Variants in SRA1 observed in about 807,000 individuals in gnomAD.
SRA1 encodes lncRNA SRA.
Under a neutral mutation model 24.3 loss-of-function variants are expected in SRA1, and 25 were observed. The ratio of observed to expected loss-of-function variants is 1.03; its 90% CI spans 0.75 to 1.43. SRA1 has a LOEUF of 1.43. Among genes scored for constraint, SRA1 ranks in the 40% most tolerant of loss-of-function variants. The probability of loss-of-function intolerance (pLI) is 0.00; values close to 1 mark genes in which losing one functional copy is unlikely to be tolerated. For missense variants in SRA1, 303 were observed against 286.6 expected (o/e 1.06, Z -0.41); for synonymous variants, 104 against 109.5 (o/e 0.95, Z 0.31).
rs561878374 is a variant in SRA1 at position 140,550,713 on chromosome 5, T to C, written c.662A>G (p.Gln221Arg). ...AEKNHTIPGF[Q>R]QAS ...GGGAACCGAGGATTATGAAGCCTGC[T>C]GGAAGCCTGGTATGGTATGGTTCTT... The change falls in exon 5 of 5, where the codon CAG becomes CGG. Residue 221 changes from glutamine to arginine, a missense_variant. Physicochemically the swap from Gln to Arg is conservative, Grantham distance 43. Coordinates refer to ENST00000336283, the MANE Select transcript of SRA1 (RefSeq NM_001035235.4). 1.2e-6 allele frequency: 2 copies of C among 1,614,024 alleles called. No individual in the cohort carries two copies. Among genetic ancestry groups the C allele is most frequent in the Non-Finnish European group, 1.7e-6 (2 of 1,180,022 alleles).
upstream of SRA1, chr5:140,557,480 G>C (rs1440924295): frequency 1.2e-5 from 18 of 1,549,568 alleles, no homozygotes; most frequent in Non-Finnish European, 1.5e-5. Flanking sequence ...CAGCGGGGCA[G>C]CGCGTCATTT....
chr5:140,551,041 A>G lies in SRA1; in HGVS notation c.463+20T>C, dbSNP rs373540673. ...ACAGCAGGAAAGGGATTTAGGCTAT[A>G]CCAAAGAACCCACCCATACCTTGCA... On this transcript the variant is annotated intron_variant, in intron 4 of 4. Transcript: ENST00000336283. 2.7e-5 allele frequency: 44 copies of G among 1,603,740 alleles called. No individual in the cohort carries two copies. The highest frequency in any genetic ancestry group is 3.2e-5 in the Non-Finnish European group (38 of 1,170,656).
Position 140,551,638 on chromosome 5 carries a change from T to C in SRA1, c.354+344A>G, listed in dbSNP as rs532261648. 3 of 232,482 alleles carry C rather than the reference T, an allele frequency of 1.3e-5. No individual in the cohort carries two copies. In the South Asian group the frequency reaches 3.1e-4, roughly 24 times the overall value. 14.4% of individuals were successfully genotyped at this position (232,482 alleles called of 1,614,324 possible). A position where few individuals can be genotyped will look rare whatever the true frequency, so the allele number is the denominator to read the frequency against. On this transcript the variant is annotated intron_variant, in intron 3 of 4. Coordinates refer to ENST00000336283, the MANE Select transcript of SRA1 (RefSeq NM_001035235.4). ...AAACACTATAGCTAGAAGAGGTTTCTTTCTCCCTAACTGGGCACAATATAA... is the reference window on the plus strand; with the variant it reads ...AAACACTATAGCTAGAAGAGGTTTCCTTCTCCCTAACTGGGCACAATATAA...
At chr5:140,556,234 G>T (rs1754690805) in intron 2 of SRA1, among the ~76,000 whole-genome samples, 1 of 152,082 alleles carries the variant, frequency 6.6e-6, no homozygotes, top group Admixed American at 6.6e-5. Flanking sequence ...AGCAAAAAGG[G>T]TGTGGAGAAT....
At chr5:140,554,647 G>C (rs963916179) in intron 2 of SRA1, among the ~76,000 whole-genome samples, 1 of 152,140 alleles carries the variant, frequency 6.6e-6, no homozygotes, top group African/African-American at 2.4e-5. Flanking sequence ...TCCCGTTAGT[G>C]TACAAACATG....
chr5:140,553,239 G>GTC (rs1754610100), intron 2 of SRA1, among the ~76,000 whole-genome samples: 1 of 152,034 alleles, frequency 6.6e-6, no homozygotes. Flanking sequence ...ACACTGGGAG[G>GTC]CAGAGGCAGG....
intron 3 of SRA1, 59 bp from the exon 4 acceptor site, chr5:140,551,228 G>A (rs960946910): frequency 2.2e-6 from 3 of 1,363,972 alleles, no homozygotes; most frequent in Non-Finnish European, 3.1e-6. Flanking sequence ...GGGAGGAGAG[G>A]GGAAGACAGC....
intron 2 of SRA1, among the ~76,000 whole-genome samples, chr5:140,553,978 C>T (rs564198774): frequency 6.6e-6 from 1 of 152,280 alleles, no homozygotes; most frequent in East Asian, 1.9e-4. Context: ...GTACCAACAT[C>T]CACAAGGATG....
chr5:140,551,287 GTTC>G (rs1473746244), intron 3 of SRA1, 118 bp from the exon 4 acceptor site: 2 of 714,832 alleles, frequency 2.8e-6, no homozygotes, highest in Non-Finnish European at 4.6e-6. Context: ...TAGAATTCTG[GTTC>G]TTTACCCAAA....
Position 140,552,664 on chromosome 5 carries a change from A to G in SRA1, c.152-480T>C, listed in dbSNP as rs539348799. Among the ~76,000 whole-genome samples the G allele has an allele frequency of 7.9e-5, 12 of 152,104 alleles. No homozygotes were observed. The South Asian group carries it at 8.3e-4, about 11-fold the overall frequency. ...GTGAAACTCTGTCTCAAAAAAAAAAAAAAAGAAAAGAAAAGTAAACCAGGC... is the reference window on the plus strand; with the variant it reads ...GTGAAACTCTGTCTCAAAAAAAAAAGAAAAGAAAAGAAAAGTAAACCAGGC... On this transcript the variant is annotated intron_variant, in intron 2 of 4. Coordinates refer to ENST00000336283, the MANE Select transcript of SRA1 (RefSeq NM_001035235.4).
chr5:140,550,645 CAGA>C lies in SRA1; in HGVS notation c.*52_*54del. On this transcript the variant is annotated 3_prime_UTR_variant, in exon 5 of 5. Transcript: ENST00000336283. The stretch of plus-strand genomic sequence containing the variant: ...TGGTGGTAAGAAGGGAGCCAAGTGA[CAGA>C]AGGTCTCCAAGGCATAGGAGATGGT... 6.4e-7 allele frequency: 1 copy of C among 1,559,396 alleles called. No homozygotes were observed. Among genetic ancestry groups the C allele is most frequent in the East Asian group, 2.2e-5 (1 of 44,586 alleles).
intron 2 of SRA1, among the ~76,000 whole-genome samples, chr5:140,552,666 A>AG (rs1376258741): frequency 1.3e-5 from 2 of 151,892 alleles, no homozygotes; most frequent in Non-Finnish European, 2.9e-5. Context: ...AAAAAAAAAA[A>AG]AAGAAAAGAA....
Position 140,557,247 on chromosome 5 carries a change from G to C in SRA1, c.51C>G (p.Asp17Glu). 1.9e-6 allele frequency: 3 copies of C among 1,612,544 alleles called. No homozygotes were observed. The South Asian group carries it at 3.3e-5, about 18-fold the overall frequency. ...KPGNKERGWN[D>E]PPQFSYGLQT... is the part of the protein sequence containing the mutation. The stretch of plus-strand genomic sequence containing the variant: ...GCAGCCCGTATGAGAACTGCGGCGG[G>C]TCGTTCCAGCCGCGTTCCTTGTTGC... The change falls in exon 2 of 5, where the codon GAC (aspartate) becomes GAG (glutamate). Residue 17 changes from aspartate (D) to glutamate (E), a missense_variant. By Grantham distance (45) the Asp-to-Glu change is conservative. Transcript: ENST00000336283.
chr5:140,555,477 C>T (rs761761317), intron 2 of SRA1, among the ~76,000 whole-genome samples: 3 of 152,108 alleles, frequency 2.0e-5, no homozygotes, highest in Non-Finnish European at 4.4e-5. Flanking sequence ...AGGTGATCTG[C>T]CCACCTTGGC....
Position 140,551,100 on chromosome 5 carries a change from A to G in SRA1, c.424T>C (p.Ser142Pro), listed in dbSNP as rs1413384526. ...LQEQWAGGKL[S>P]IPVKKRMALL... is the part of the protein sequence containing the mutation. ...GCCATTCTCTTCTTTACAGGTATTG[A>G]CAACTTTCCTCCAGCCCACTGTTCC... Residue 142 changes from serine (S) to proline (P), a missense_variant, in exon 4 of 5, where the codon TCA (serine) becomes CCA (proline). Ser to Pro is a moderately conservative substitution (Grantham distance 74). Coordinates refer to ENST00000336283, the MANE Select transcript of SRA1 (RefSeq NM_001035235.4). The G allele has an allele frequency of 1.9e-6, 3 of 1,614,176 alleles. No individual in the cohort carries two copies. In the South Asian group the frequency reaches 3.3e-5, roughly 18 times the overall value.
chr5:140,555,309 C>T (rs1479425538), intron 2 of SRA1, among the ~76,000 whole-genome samples: 1 of 152,070 alleles, frequency 6.6e-6, no homozygotes, highest in Non-Finnish European at 1.5e-5. Context: ...TGCAGTGGTG[C>T]GATGTCGGCT....
chr5:140,557,127 A>T lies in SRA1; in HGVS notation c.151+20T>A. 3.1e-6 allele frequency: 4 copies of T among 1,309,876 alleles called. No individual in the cohort carries two copies. The highest frequency in any genetic ancestry group is 4.3e-6 in the Non-Finnish European group (4 of 939,146). The allele number at this position is 1,309,876 out of a possible 1,614,324, so 81.1% of individuals were successfully genotyped here. A position where few individuals can be genotyped will look rare whatever the true frequency, so the allele number is the denominator to read the frequency against. ...CCCCCCCATTCTCCGTCTGTCTCCG[A>T]GCACAGGGGCCCCACGCACCTCTGG... On this transcript the variant is annotated intron_variant, in intron 2 of 4. Coordinates refer to ENST00000336283, the MANE Select transcript of SRA1 (RefSeq NM_001035235.4).
rs1213048869 is a variant in SRA1 at position 140,557,432 on chromosome 5, C to G, written c.21G>C (p.Lys7Asn). 2.0e-5 allele frequency: 32 copies of G among 1,570,306 alleles called. No homozygotes were observed. The highest frequency in any genetic ancestry group is 2.4e-5 in the Non-Finnish European group (28 of 1,159,588). MAELYV[K>N]PGNKERGWND... is the part of the protein sequence containing the mutation. ...TAGCCCGCCGGCTGCGCTCACCCGG[C>G]TTCACGTACAGCTCCGCCATCTCCA... The change falls in exon 1 of 5, where the codon AAG (lysine) becomes AAC (asparagine). Residue 7 changes from lysine to asparagine, a missense_variant. Lys to Asn is a moderately conservative substitution (Grantham distance 94). Coordinates refer to ENST00000336283, the MANE Select transcript of SRA1 (RefSeq NM_001035235.4).
intron 2 of SRA1, among the ~76,000 whole-genome samples, chr5:140,552,828 C>T (rs906327886): frequency 2.0e-5 from 3 of 152,022 alleles, no homozygotes; most frequent in African/African-American, 4.8e-5. Context: ...AAAAGTTAGT[C>T]AAGTGTGGTG....
Sources: gnomAD v4.1 joint callset for allele counts (sites outside exome capture counted in the v4.1 genomes callset) on GRCh38, gnomAD v4.1.1 for gene constraint, MANE v1.5 for transcripts, NCBI Gene and HGNC (gene_info 2026-07-23, HGNC 2026-07-21) for gene names.